The following GRID2 variants were observed in gnomAD, a reference collection of about 807,000 sequenced individuals.
GRID2 encodes the protein glutamate ionotropic receptor delta type subunit 2.
GRID2 carries 33 observed loss-of-function variants against 114.8 expected under a neutral mutation model. The observed-to-expected ratio is 0.29, with a 90% CI of 0.22 to 0.38. The LOEUF (loss-of-function observed/expected upper bound fraction) is 0.38, where lower values mean the gene tolerates loss of function less well. GRID2 is among the 10% of genes least tolerant of loss of function. GRID2 has a pLI of 1.00. For missense variants in GRID2, 1,184 were observed against 1,257.7 expected, an observed-to-expected ratio of 0.94 and a Z score of 0.89; for synonymous variants, 505 against 449.9, an observed-to-expected ratio of 1.12 and a Z score of -1.55.
intron 1 of GRID2, among the ~76,000 whole-genome samples, chr4:92,348,173 TC>T (rs1403796212): frequency 1.3e-5 from 2 of 152,082 alleles, no homozygotes; most frequent in African/African-American, 4.8e-5. Flanking sequence ...ACTATGTTGC[TC>T]ATGTTGGTCT....
chr4:92,874,098 A>C (rs1040756012), intron 2 of GRID2, among the ~76,000 whole-genome samples: 1 of 152,184 alleles, frequency 6.6e-6, no homozygotes, highest in Admixed American at 6.5e-5. Context: ...AAGGAGCAGG[A>C]ACTGATAAAG....
chr4:92,685,106 C>A (rs1454272329), intron 2 of GRID2, among the ~76,000 whole-genome samples: 1 of 151,964 alleles, frequency 6.6e-6, no homozygotes, highest in African/African-American at 2.4e-5. Context: ...TTACTCGAGG[C>A]AGCTATTAAA....
intron 2 of GRID2, among the ~76,000 whole-genome samples, chr4:92,766,208 C>A (rs556252989): frequency 6.6e-6 from 1 of 152,110 alleles, no homozygotes; most frequent in Non-Finnish European, 1.5e-5. Context: ...AAAGAGGATT[C>A]TTTTTGAAGA....
intron 14 of GRID2, among the ~76,000 whole-genome samples, chr4:93,670,853 C>T (rs1724349027): frequency 6.6e-6 from 1 of 152,186 alleles, no homozygotes; most frequent in Admixed American, 6.5e-5. Flanking sequence ...CAAGAGCAAA[C>T]ACTGTAAACA....
At chr4:93,051,512 A>G (rs1480376710) in intron 2 of GRID2, among the ~76,000 whole-genome samples, 1 of 152,008 alleles carries the variant, frequency 6.6e-6, no homozygotes, top group African/African-American at 2.4e-5. Context: ...AGTGTGCAAG[A>G]TAGGTCATTG....
At chr4:92,924,191 T>C (rs1182555422) in intron 2 of GRID2, among the ~76,000 whole-genome samples, 11 of 152,126 alleles carry the variant, frequency 7.2e-5, no homozygotes, top group South Asian at 2.1e-4. Flanking sequence ...CAGGTGGGAA[T>C]TGAACAATGA....
intron 14 of GRID2, among the ~76,000 whole-genome samples, chr4:93,757,206 C>T (rs1375222053): frequency 6.6e-6 from 1 of 152,146 alleles, no homozygotes; most frequent in South Asian, 2.1e-4. Context: ...CTCAAGGAGG[C>T]TAACATCCAA....
At chr4:93,376,918 T>C (rs1159018783) in intron 8 of GRID2, among the ~76,000 whole-genome samples, 1 of 152,158 alleles carries the variant, frequency 6.6e-6, no homozygotes, top group African/African-American at 2.4e-5. Flanking sequence ...AAAACACCTT[T>C]GCACACATTT....
At chr4:92,413,489 G>C (rs1312578543) in intron 1 of GRID2, among the ~76,000 whole-genome samples, 1 of 152,154 alleles carries the variant, frequency 6.6e-6, no homozygotes, top group African/African-American at 2.4e-5. Context: ...AGTAAGATTA[G>C]ATTGTGGGCC....
At chr4:92,711,770 G>A (rs927118922) in intron 2 of GRID2, among the ~76,000 whole-genome samples, 7 of 152,114 alleles carry the variant, frequency 4.6e-5, no homozygotes, top group Admixed American at 1.3e-4. Flanking sequence ...AGGCCTGGTG[G>A]CAGACACCTG....
chr4:93,685,686 A>G (rs1726013373), intron 14 of GRID2, among the ~76,000 whole-genome samples: 1 of 151,998 alleles, frequency 6.6e-6, no homozygotes, highest in Non-Finnish European at 1.5e-5. Flanking sequence ...TCACCTATAT[A>G]TTAGGCACTT....
intron 1 of GRID2, among the ~76,000 whole-genome samples, chr4:92,386,980 T>A (rs981925916): frequency 1.3e-5 from 2 of 151,964 alleles, no homozygotes; most frequent in African/African-American, 2.4e-5. Flanking sequence ...GTGTTTACTC[T>A]GTTTCTTGAT....
chr4:93,585,331 C>A (rs1430314863), intron 13 of GRID2, among the ~76,000 whole-genome samples: 1 of 152,070 alleles, frequency 6.6e-6, no homozygotes, highest in Non-Finnish European at 1.5e-5. Context: ...GATTTTGGCA[C>A]CCAGCAAGTG....
chr4:93,218,473 C>A (rs575845614), intron 6 of GRID2, among the ~76,000 whole-genome samples: 3 of 152,220 alleles, frequency 2.0e-5, no homozygotes, highest in South Asian at 2.1e-4. Flanking sequence ...TACTGCACTC[C>A]AGCCTCCAGC....
intron 12 of GRID2, among the ~76,000 whole-genome samples, chr4:93,506,499 A>G (rs937994335): frequency 1.8e-4 from 27 of 152,208 alleles, no homozygotes; most frequent in Non-Finnish European, 3.7e-4. Context: ...AGTTCAAACC[A>G]GAAGGACCTG....
intron 2 of GRID2, among the ~76,000 whole-genome samples, chr4:92,859,517 T>C (rs767342795): frequency 1.6e-4 from 25 of 152,276 alleles, no homozygotes; most frequent in Non-Finnish European, 2.8e-4. Context: ...CCAAAATGAA[T>C]TTCCCCTTCT....
At chr4:93,418,025 T>C (rs142680777) in intron 9 of GRID2, among the ~76,000 whole-genome samples, 1,611 of 150,380 alleles carry the variant, frequency 0.011, 15 homozygotes, top group South Asian at 0.049. Flanking sequence ...TAAATATTGA[T>C]GTAATACGTA....
At chr4:93,473,774 C>T (rs1380793158) in intron 11 of GRID2, among the ~76,000 whole-genome samples, 3 of 151,980 alleles carry the variant, frequency 2.0e-5, no homozygotes, top group Non-Finnish European at 2.9e-5. Context: ...AAAAACTACC[C>T]GAGATGTCTA....
chr4:93,690,180 T>G (rs969655842), intron 14 of GRID2, among the ~76,000 whole-genome samples: 3 of 152,016 alleles, frequency 2.0e-5, no homozygotes, highest in African/African-American at 7.2e-5. Context: ...ATAAAAATAA[T>G]TGATCTCATC....
Sources: gnomAD v4.1 joint callset for allele counts (sites outside exome capture counted in the v4.1 genomes callset) on GRCh38, gnomAD v4.1.1 for gene constraint, MANE v1.5 for transcripts, NCBI Gene and HGNC (gene_info 2026-07-23, HGNC 2026-07-21) for gene names.